ARNT2: variants seen among roughly 807,000 people sequenced by gnomAD.
ARNT2 encodes the protein aryl hydrocarbon receptor nuclear translocator 2.
A neutral mutation model predicts 91.7 loss-of-function variants in ARNT2; 36 were observed. The observed-to-expected ratio is 0.39, with a 90% CI of 0.30 to 0.52. The LOEUF is 0.52. Among genes scored for constraint, ARNT2 ranks in the 20% least tolerant of loss-of-function variants. The probability of loss-of-function intolerance (pLI) is 0.72; values close to 1 mark genes in which losing one functional copy is unlikely to be tolerated. For synonymous variants in ARNT2, 365 were observed against 347.1 expected (o/e 1.05, Z -0.57); for missense variants, 775 against 939.3 (o/e 0.83, Z 2.29).
At chr15:80,423,579 G>A (rs1018904933) in intron 1 of ARNT2, among the ~76,000 whole-genome samples, 17 of 152,242 alleles carry the variant, frequency 1.1e-4, no homozygotes, top group African/African-American at 3.9e-4. Flanking sequence ...TAGTAACACT[G>A]CATGGTTCTT....
intron 1 of ARNT2, among the ~76,000 whole-genome samples, chr15:80,432,108 G>C (rs773149803): frequency 2.6e-5 from 4 of 152,216 alleles, no homozygotes; most frequent in Non-Finnish European, 4.4e-5. Context: ...AGGGCCTACT[G>C]TCAATAGGTA....
At chr15:80,410,871 C>G (rs553161244) in intron 1 of ARNT2, among the ~76,000 whole-genome samples, 46 of 151,844 alleles carry the variant, frequency 3.0e-4, no homozygotes, top group Non-Finnish European at 5.1e-4. Context: ...CTTTCTCTTT[C>G]CCTCCTTTTG....
intron 8 of ARNT2, among the ~76,000 whole-genome samples, chr15:80,535,553 G>A (rs1410609029): frequency 6.6e-6 from 1 of 152,146 alleles, no homozygotes; most frequent in African/African-American, 2.4e-5. Flanking sequence ...TGAATTGCCT[G>A]TTCATGCTGT....
At chr15:80,501,051 T>C (rs1394259768) in intron 5 of ARNT2, among the ~76,000 whole-genome samples, 1 of 152,216 alleles carries the variant, frequency 6.6e-6, no homozygotes, top group East Asian at 1.9e-4. Flanking sequence ...ATTGACAGCA[T>C]AGTTCCCTGT....
chr15:80,424,757 T>C (rs1895909108), intron 1 of ARNT2, among the ~76,000 whole-genome samples: 1 of 141,430 alleles, frequency 7.1e-6, no homozygotes, highest in Non-Finnish European at 1.5e-5. Context: ...GTTTATACTG[T>C]TTTCTTCCAA....
intron 8 of ARNT2, among the ~76,000 whole-genome samples, chr15:80,548,999 T>C (rs974215292): frequency 2.6e-5 from 4 of 151,974 alleles, no homozygotes; most frequent in African/African-American, 9.7e-5. Flanking sequence ...AAACATACAA[T>C]AAAGCCTCTA....
At chr15:80,552,528 C>A in intron 9 of ARNT2, 112 bp from the exon 10 acceptor site, 1 of 1,352,842 alleles carries the variant, frequency 7.4e-7, no homozygotes, top group Non-Finnish European at 1.0e-6. Flanking sequence ...TACTAAATGA[C>A]ATGGAAGGAT....
intron 11 of ARNT2, among the ~76,000 whole-genome samples, chr15:80,561,305 C>T (rs1185450326): frequency 7.9e-5 from 12 of 152,142 alleles, no homozygotes; most frequent in Admixed American, 6.5e-4. Context: ...AGAGATTTAC[C>T]AGCCCTGATC....
intron 8 of ARNT2, among the ~76,000 whole-genome samples, chr15:80,529,042 G>GT (rs1431697973): frequency 7.9e-5 from 12 of 152,092 alleles, no homozygotes; most frequent in Non-Finnish European, 1.6e-4. Context: ...CCCCTCCATT[G>GT]TTTTATTCTA....
intron 1 of ARNT2, among the ~76,000 whole-genome samples, chr15:80,447,102 G>A (rs1186422216): frequency 6.6e-6 from 1 of 152,108 alleles, no homozygotes; most frequent in Non-Finnish European, 1.5e-5. Context: ...ACATATTAGT[G>A]TGTTTCTATC....
In ARNT2 at chr15:80,568,718, C is replaced by T. The variant is rs1027627592; in HGVS notation, c.1317-5430C>T. ...TCCTGGATCCCTCCCTCTCATTCAC[C>T]TCAACAGGCAACCTGGCACAGAACC... is the stretch of plus-strand genomic sequence containing the variant. On this transcript the variant is annotated intron_variant, in intron 12 of 18. Transcript: ENST00000303329. Among the ~76,000 whole-genome samples, 6 of 152,352 alleles carry T rather than the reference C, an allele frequency of 3.9e-5. 1 individual carries two copies. In the South Asian group the frequency reaches 6.2e-4, roughly 16 times the overall value.
chr15:80,569,286 C>G lies in ARNT2; in HGVS notation c.1317-4862C>G, dbSNP rs139228399. ...GGCAGGAAGCCGCACTTGATGCATT[C>G]ACTTTCTACTCCTCAGCCGTTGTAG... On this transcript the variant is annotated intron_variant, in intron 12 of 18. Transcript: ENST00000303329. Among the ~76,000 whole-genome samples, 629 of 152,352 alleles carry G rather than the reference C, an allele frequency of 4.1e-3. 2 individuals carry two copies. Among genetic ancestry groups the G allele is most frequent in the Non-Finnish European group, 6.0e-3 (409 of 68,028 alleles).
At chr15:80,508,344 C>A in intron 6 of ARNT2, 86 bp downstream of exon 6, 1 of 1,354,378 alleles carries the variant, frequency 7.4e-7, no homozygotes, top group Non-Finnish European at 1.0e-6. Context: ...AGCTCTGCCG[C>A]AGTCACACAT....
chr15:80,517,698 T>G (rs1179906131), intron 8 of ARNT2, among the ~76,000 whole-genome samples: 1 of 151,958 alleles, frequency 6.6e-6, no homozygotes, highest in Non-Finnish European at 1.5e-5. Context: ...TGATATATCT[T>G]CAAGTTCACT....
intron 17 of ARNT2, among the ~76,000 whole-genome samples, chr15:80,590,071 G>A (rs971568780): frequency 6.6e-6 from 1 of 152,186 alleles, no homozygotes; most frequent in African/African-American, 2.4e-5. Flanking sequence ...GTGGGAGAGA[G>A]AGCGAGGGAG....
intron 8 of ARNT2, among the ~76,000 whole-genome samples, chr15:80,529,949 A>G (rs1346008285): frequency 1.3e-5 from 2 of 152,194 alleles, no homozygotes; most frequent in East Asian, 1.9e-4. Flanking sequence ...GCGCATAAAT[A>G]TTATGTCCTC....
rs561099049 is a variant in ARNT2, at chr15:80,456,252, G to T, written c.147-1677G>T. Among the ~76,000 whole-genome samples the T allele has an allele frequency of 1.1e-4, 16 of 148,082 alleles. No individual in the cohort carries two copies. The South Asian group carries it at 3.6e-3, about 33-fold the overall frequency. On this transcript the variant is annotated intron_variant, in intron 2 of 18. Transcript: ENST00000303329. ...AGGTGTGTGTCTGTCTCTCTTAGTG[G>T]TGTCTGTAAGGCCCTTTAACTGTAC...
At chr15:80,413,283 A>G (rs895221371) in intron 1 of ARNT2, among the ~76,000 whole-genome samples, 1 of 151,974 alleles carries the variant, frequency 6.6e-6, no homozygotes, top group Admixed American at 6.6e-5. Flanking sequence ...CACCTCTTCC[A>G]TATGGCCTTT....
chr15:80,418,844 G>T (rs1470029626), intron 1 of ARNT2, among the ~76,000 whole-genome samples: 1 of 152,154 alleles, frequency 6.6e-6, no homozygotes, highest in Non-Finnish European at 1.5e-5. Flanking sequence ...TAGGACATGT[G>T]CCCCTTTTTT....
Sources: allele counts gnomAD v4.1 joint callset (sites outside exome capture counted in the v4.1 genomes callset), GRCh38; gene constraint gnomAD v4.1.1; transcripts MANE v1.5; gene names NCBI Gene and HGNC (gene_info 2026-07-23, HGNC 2026-07-21).